The following TASP1 variants were observed in gnomAD, a reference collection of about 807,000 sequenced individuals.
The protein encoded by TASP1 is taspase 1, also known as threonine aspartase 1.
Under a neutral mutation model 56.6 loss-of-function variants are expected in TASP1, and 16 were observed. That is an observed-to-expected ratio of 0.28 (90% CI 0.19 to 0.43). The LOEUF (loss-of-function observed/expected upper bound fraction) is 0.43, where lower values mean the gene tolerates loss of function less well. TASP1 is among the 20% of genes least tolerant of loss of function. The pLI is 1.00. For missense variants in TASP1, 393 were observed against 511.6 expected, an observed-to-expected ratio of 0.77 and a Z score of 2.24; for synonymous variants, 179 against 184.2, an observed-to-expected ratio of 0.97 and a Z score of 0.23.
intron 13 of TASP1, among the ~76,000 whole-genome samples, chr20:13,403,753 G>A (rs1223216193): frequency 6.6e-6 from 1 of 152,052 alleles, no homozygotes; most frequent in Admixed American, 6.6e-5. Context: ...GGTGAGGTGT[G>A]CCCCTGCAGT....
chr20:13,444,015 G>A (rs2043311234), intron 11 of TASP1, among the ~76,000 whole-genome samples: 1 of 152,214 alleles, frequency 6.6e-6, no homozygotes, highest in African/African-American at 2.4e-5. Flanking sequence ...ATTTGGTGCT[G>A]TATTCTTGAA....
At chr20:13,563,398 C>A (rs532775376) in intron 7 of TASP1, among the ~76,000 whole-genome samples, 1 of 151,910 alleles carries the variant, frequency 6.6e-6, no homozygotes, top group Non-Finnish European at 1.5e-5. Flanking sequence ...GAAGAGGAAA[C>A]GCTTCCAAAG....
chr20:13,559,114 C>A lies in TASP1; in HGVS notation c.569G>T (p.Arg190Ile). The A allele has an allele frequency of 6.6e-7, 1 of 1,525,738 alleles. No individual in the cohort carries two copies. The allele number at this position is 1,525,738 out of a possible 1,614,324, so 94.5% of individuals were successfully genotyped here. A position where few individuals can be genotyped will look rare whatever the true frequency, so the allele number is the denominator to read the frequency against. Residue 190 changes from arginine to isoleucine, a missense_variant and splice_region_variant, in exon 8 of 14, where the codon AGA (arginine) becomes ATA (isoleucine). By Grantham distance (97) the Arg-to-Ile change is moderately conservative. This residue lies in a region of TASP1 where 293 missense variants were observed against 354.2 expected (regional missense o/e 0.83). Transcript: ENST00000337743. Reference protein sequence around the residue: ...PSCPPNIMTTRFSLAAFKRNK... With the variant: ...PSCPPNIMTTIFSLAAFKRNK... ...TCTTTTAAATGCAGCTAAACTGAAT[C>A]CTATAAAATAAAAATAAAAAACATT...
chr20:13,311,243 T>TAGATAGATAGATGATAGATAGATA, the TASP1 span, among the ~76,000 whole-genome samples: 54 of 127,920 alleles, frequency 4.2e-4, no homozygotes, highest in East Asian at 1.5e-3. Flanking sequence ...GATAGATAGA[T>TAGATAGATAGATGATAGATAGATA]GATAGATAGA....
intron 6 of TASP1, among the ~76,000 whole-genome samples, chr20:13,573,371 T>C (rs2046784063): frequency 6.6e-6 from 1 of 152,174 alleles, no homozygotes; most frequent in Non-Finnish European, 1.5e-5. Flanking sequence ...CCCCCTTTAA[T>C]GGGACACTGA....
At chr20:13,341,585 C>A in the TASP1 span, among the ~76,000 whole-genome samples, 1 of 152,194 alleles carries the variant, frequency 6.6e-6, no homozygotes, top group Non-Finnish European at 1.5e-5. Flanking sequence ...TCTTCCAATT[C>A]TGTAACTCTG....
At chr20:13,297,909 G>A in the TASP1 span, among the ~76,000 whole-genome samples, 4 of 151,996 alleles carry the variant, frequency 2.6e-5, no homozygotes, top group African/African-American at 7.2e-5. Flanking sequence ...TAAGTGCCCC[G>A]GGCTCCTTCC....
chr20:13,162,694 C>T, the TASP1 span, among the ~76,000 whole-genome samples: 86 of 152,328 alleles, frequency 5.6e-4, no homozygotes, highest in Middle Eastern at 3.4e-3. Flanking sequence ...CCAATAACAA[C>T]TCTAGCCTCG....
At chr20:13,327,785 C>A in the TASP1 span, among the ~76,000 whole-genome samples, 1 of 152,094 alleles carries the variant, frequency 6.6e-6, no homozygotes, top group African/African-American at 2.4e-5. Flanking sequence ...CCCTTCACTA[C>A]GCCATATACA....
At chr20:13,453,314 C>G (rs2043696846) in intron 11 of TASP1, among the ~76,000 whole-genome samples, 1 of 151,994 alleles carries the variant, frequency 6.6e-6, no homozygotes, top group African/African-American at 2.4e-5. Flanking sequence ...GAGGGAATTG[C>G]TATAAAAGAC....
the TASP1 span, among the ~76,000 whole-genome samples, chr20:13,108,128 T>G: frequency 2.6e-5 from 4 of 152,176 alleles, no homozygotes; most frequent in Non-Finnish European, 4.4e-5. Context: ...GGTGCCATGC[T>G]AACAGGGGCC....
chr20:13,494,743 C>A (rs2043658319), intron 10 of TASP1, among the ~76,000 whole-genome samples: 2 of 151,814 alleles, frequency 1.3e-5, no homozygotes, highest in South Asian at 2.1e-4. Context: ...TCCAAAGCCC[C>A]AAAAATCTGA....
intron 11 of TASP1, among the ~76,000 whole-genome samples, chr20:13,451,128 GATT>G: frequency 6.6e-6 from 1 of 152,166 alleles, no homozygotes; most frequent in South Asian, 2.1e-4. Context: ...TCAACAGTGG[GATT>G]AAAGTATTCA....
chr20:13,439,737 CA>C (rs2043149384), intron 11 of TASP1, among the ~76,000 whole-genome samples: 1 of 151,476 alleles, frequency 6.6e-6, no homozygotes, highest in Admixed American at 6.6e-5. Context: ...TAAAACAAAA[CA>C]AGAACAAAAA....
At chr20:13,139,445 G>C in the TASP1 span, among the ~76,000 whole-genome samples, 1 of 152,130 alleles carries the variant, frequency 6.6e-6, no homozygotes, top group Non-Finnish European at 1.5e-5. Flanking sequence ...GGGCAAGACA[G>C]TTCTCTTCCA....
intron 11 of TASP1, among the ~76,000 whole-genome samples, chr20:13,439,399 C>T (rs1486454767): frequency 6.6e-6 from 1 of 152,080 alleles, no homozygotes; most frequent in Non-Finnish European, 1.5e-5. Context: ...AGCAAACTAT[C>T]GCAAGGACAA....
the TASP1 span, among the ~76,000 whole-genome samples, chr20:13,379,251 C>T: frequency 6.6e-6 from 1 of 152,150 alleles, no homozygotes. Flanking sequence ...GCTTCAGGAG[C>T]TCTTGTAAGG....
At position 13,454,118 on chromosome 20, in the gene TASP1, T is replaced by A. The variant is rs185974211; in HGVS notation, c.986-18964A>T. ...TGAGCAAGAAAGTGACCTGGGATGA[T>A]GTTGAGGAGACAGACAGTAATCACA... On this transcript the variant is annotated intron_variant, in intron 11 of 13. Coordinates refer to ENST00000337743, the MANE Select transcript of TASP1 (RefSeq NM_017714.3). Among the ~76,000 whole-genome samples the A allele has an allele frequency of 6.8e-4, 103 of 150,802 alleles. No homozygotes were observed. The Middle Eastern group carries it at 0.01, about 15-fold the overall frequency.
chr20:13,184,679 T>C, the TASP1 span, among the ~76,000 whole-genome samples: 1 of 152,348 alleles, frequency 6.6e-6, no homozygotes, highest in East Asian at 1.9e-4. Flanking sequence ...CTTTGGCCAA[T>C]AGGAGCAGGG....
Sources: allele counts gnomAD v4.1 joint callset (sites outside exome capture counted in the v4.1 genomes callset), GRCh38; gene constraint gnomAD v4.1.1; regional missense constraint gnomAD v4.1.1; transcripts MANE v1.5; gene names NCBI Gene and HGNC (gene_info 2026-07-23, HGNC 2026-07-21).